Variants in NAALAD2 observed in about 807,000 individuals in gnomAD.
The protein encoded by NAALAD2 is N-acetylated-alpha-linked acidic dipeptidase 2.
A neutral mutation model predicts 95.6 loss-of-function variants in NAALAD2; 89 were observed. The observed-to-expected ratio is 0.93, with a 90% confidence interval of 0.78 to 1.11. NAALAD2 has a LOEUF of 1.11. Ranked by LOEUF, NAALAD2 falls within the 50% of genes least tolerant of loss-of-function variation. The probability of loss-of-function intolerance (pLI) is 0.00; values close to 1 mark genes in which losing one functional copy is unlikely to be tolerated. For missense variants in NAALAD2, 894 were observed against 872.4 expected (o/e 1.02, Z -0.31); for synonymous variants, 264 against 294.4 (o/e 0.90, Z 1.06).
chr11:90,157,886 A>G (rs1209071348), intron 6 of NAALAD2, among the ~76,000 whole-genome samples: 1 of 151,924 alleles, frequency 6.6e-6, no homozygotes, highest in African/African-American at 2.4e-5. Context: ...ACGTCCAGCT[A>G]ATTTTTGTAT....
rs1952077593 is a variant in NAALAD2, at chr11:90,155,623, T to A, written c.797-2522T>A. ...TAATATATATTACATATAAATTACATATATATTAATATATATATAATTATT... is the reference window on the plus strand; with the variant it reads ...TAATATATATTACATATAAATTACAAATATATTAATATATATATAATTATT... On this transcript the variant is annotated intron_variant, in intron 6 of 18. Coordinates refer to ENST00000534061, the MANE Select transcript of NAALAD2 (RefSeq NM_005467.4). 1.5e-4 allele frequency among the ~76,000 whole-genome samples: 6 copies of A among 39,104 alleles called. 2 individuals carry two copies. The South Asian group carries it at 5.6e-3, about 36-fold the overall frequency. 25.7% of individuals were successfully genotyped at this position (39,104 alleles called of 152,430 possible).
At chr11:90,173,971 G>T in intron 14 of NAALAD2, 56 bp downstream of exon 14, 1 of 1,116,210 alleles carries the variant, frequency 9.0e-7, no homozygotes, top group Non-Finnish European at 1.3e-6. Flanking sequence ...ATTCCCCTCT[G>T]CCTCTTGTTT....
At position 90,163,047 on chromosome 11, in the gene NAALAD2, A is replaced by G. The variant is rs758269152; in HGVS notation, c.1075+13A>G. ...TCTGTGGAACCTGGTGAGTCACATA[A>G]TTTTTTAAAACATTTTGTTTTTACA... On this transcript the variant is annotated intron_variant, in intron 9 of 18. Transcript: ENST00000534061. The G allele has an allele frequency of 2.6e-6, 4 of 1,513,868 alleles. No individual in the cohort carries two copies. Among genetic ancestry groups the G allele is most frequent in the Admixed American group, 4.2e-5 (2 of 47,652 alleles). 93.8% of individuals were successfully genotyped at this position (1,513,868 alleles called of 1,614,324 possible).
chr11:90,150,656 C>T, intron 5 of NAALAD2, 49 bp downstream of exon 5: 1 of 1,372,914 alleles, frequency 7.3e-7, no homozygotes, highest in Non-Finnish European at 9.7e-7. Context: ...TATATATATT[C>T]TGTAAATGTA....
At chr11:90,168,274 G>A (rs866831562) in intron 11 of NAALAD2, among the ~76,000 whole-genome samples, 1 of 152,108 alleles carries the variant, frequency 6.6e-6, no homozygotes, top group African/African-American at 2.4e-5. Context: ...AATAAACTCC[G>A]GACACGCCGC....
intron 6 of NAALAD2, among the ~76,000 whole-genome samples, chr11:90,156,174 T>C (rs1464582979): frequency 6.6e-6 from 1 of 152,018 alleles, no homozygotes; most frequent in Non-Finnish European, 1.5e-5. Flanking sequence ...TGATCTCAGA[T>C]AACTAGCTTT....
Position 90,191,075 on chromosome 11 carries a change from T to C in NAALAD2, c.2034-483T>C, listed in dbSNP as rs181352758. Among the ~76,000 whole-genome samples, 94 of 152,274 alleles carry C rather than the reference T, an allele frequency of 6.2e-4. 1 individual carries two copies. In the Middle Eastern group the frequency reaches 0.017, roughly 28 times the overall value. ...TTTGTGGAATGGACGTCATTATCCT[T>C]GCCATTTGTAACACTTTGAAATACA... On this transcript the variant is annotated intron_variant, in intron 18 of 18. Transcript: ENST00000534061.
intron 2 of NAALAD2, among the ~76,000 whole-genome samples, 200 bp downstream of exon 2, chr11:90,135,870 G>T (rs3740807): frequency 6.6e-6 from 1 of 150,598 alleles, no homozygotes; most frequent in African/African-American, 2.4e-5. Flanking sequence ...CTAACTTTAT[G>T]TAACAAAAAG....
chr11:90,179,133 A>G (rs968009633), intron 16 of NAALAD2, among the ~76,000 whole-genome samples: 1 of 152,248 alleles, frequency 6.6e-6, no homozygotes, highest in African/African-American at 2.4e-5. Context: ...TTGGTAATAT[A>G]TAGAAGCTGT....
At chr11:90,176,523 CTTGG>C (rs1952798465) in intron 15 of NAALAD2, among the ~76,000 whole-genome samples, 2 of 152,134 alleles carry the variant, frequency 1.3e-5, no homozygotes, top group African/African-American at 4.8e-5. Flanking sequence ...GTCAAGGGTT[CTTGG>C]TTGGGAAATA....
chr11:90,137,642 C>T, intron 2 of NAALAD2, among the ~76,000 whole-genome samples: 1 of 152,108 alleles, frequency 6.6e-6, no homozygotes, highest in East Asian at 1.9e-4. Flanking sequence ...CTCACTCCAT[C>T]ACCCAGGCTG....
At chr11:90,167,944 G>T (rs1952520504) in intron 11 of NAALAD2, among the ~76,000 whole-genome samples, 1 of 152,176 alleles carries the variant, frequency 6.6e-6, no homozygotes, top group African/African-American at 2.4e-5. Context: ...ATAAAAGCAG[G>T]CTGCCGGAGC....
chr11:90,162,270 G>A (rs373448073), intron 8 of NAALAD2, among the ~76,000 whole-genome samples: 2 of 151,918 alleles, frequency 1.3e-5, no homozygotes, highest in African/African-American at 4.8e-5. Flanking sequence ...TTTCTAATTC[G>A]GTTGATTGTA....
At chr11:90,172,801 A>G (rs1413178512) in intron 13 of NAALAD2, among the ~76,000 whole-genome samples, 1 of 152,166 alleles carries the variant, frequency 6.6e-6, no homozygotes, top group African/African-American at 2.4e-5. Context: ...GAATAGTGGC[A>G]CAGAAGTTAG....
chr11:90,155,224 A>G lies in NAALAD2; in HGVS notation c.796+2740A>G, dbSNP rs1331184326. Among the ~76,000 whole-genome samples, 9 of 126,956 alleles carry G rather than the reference A, an allele frequency of 7.1e-5. No homozygotes were observed. In the South Asian group the frequency reaches 9.3e-4, roughly 13 times the overall value. The allele number at this position is 126,956 out of a possible 152,430, so 83.3% of individuals were successfully genotyped here. ...TATATATTATATACATAATATGTAT[A>G]TGTGTGTGTATATATTATATACATG... On this transcript the variant is annotated intron_variant, in intron 6 of 18. Coordinates refer to ENST00000534061, the MANE Select transcript of NAALAD2 (RefSeq NM_005467.4).
Position 90,134,724 on chromosome 11 carries a change from G to A in NAALAD2, c.-35G>A. 6.2e-7 allele frequency: 1 copy of A among 1,606,892 alleles called. No individual in the cohort carries two copies. Among genetic ancestry groups the A allele is most frequent in the Non-Finnish European group, 8.5e-7 (1 of 1,174,580 alleles). On this transcript the variant is annotated 5_prime_UTR_variant, in exon 1 of 19. The change abolishes an upstream ATG in the 5' untranslated region. Transcript: ENST00000534061. ...CTCTGCAGCCCCGAAGCTCGCGAAT[G>A]TAGCAGGCGCCCCAAGCTCGGTCCT...
intron 16 of NAALAD2, among the ~76,000 whole-genome samples, chr11:90,178,453 T>C (rs7924405): frequency 0.45 from 68,750 of 151,888 alleles, 16,546 homozygotes; most frequent in African/African-American, 0.62. Context: ...GGGCAGATGA[T>C]GAGGTCAGGA....
chr11:90,164,818 C>A (rs531295172), intron 11 of NAALAD2, among the ~76,000 whole-genome samples: 49 of 152,086 alleles, frequency 3.2e-4, no homozygotes, highest in Non-Finnish European at 5.7e-4. Context: ...TTTTGAAAAA[C>A]CTGGTTTGAA....
chr11:90,181,610 T>C lies in NAALAD2; in HGVS notation c.1859-10T>C. On this transcript the variant is annotated splice_polypyrimidine_tract_variant and intron_variant, in intron 16 of 18. Coordinates refer to ENST00000534061, the MANE Select transcript of NAALAD2 (RefSeq NM_005467.4). The stretch of plus-strand genomic sequence containing the variant: ...CTAATTTCTCTTCTTCTTTTCTATT[T>C]TTAAAAAAGACTCCTTATTTTCTGC... The C allele has an allele frequency of 6.4e-7, 1 of 1,570,034 alleles. No individual in the cohort carries two copies. Among genetic ancestry groups the C allele is most frequent in the Non-Finnish European group, 8.7e-7 (1 of 1,146,516 alleles).
Sources: allele counts gnomAD v4.1 joint callset (sites outside exome capture counted in the v4.1 genomes callset), GRCh38; gene constraint gnomAD v4.1.1; transcripts MANE v1.5; gene names NCBI Gene and HGNC (gene_info 2026-07-23, HGNC 2026-07-21).